TRIM13: variants seen among roughly 807,000 people sequenced by gnomAD.
TRIM13 encodes E3 ubiquitin-protein ligase TRIM13.
TRIM13 carries 15 observed loss-of-function variants against 27.1 expected under a neutral mutation model. That is an observed-to-expected ratio of 0.55 (90% CI 0.37 to 0.85). The LOEUF is 0.85. TRIM13 is among the 40% of genes least tolerant of loss of function. TRIM13 has a pLI of 0.00. For missense variants in TRIM13, 402 were observed against 472.2 expected, an observed-to-expected ratio of 0.85 and a Z score of 1.38; for synonymous variants, 193 against 171.5, an observed-to-expected ratio of 1.13 and a Z score of -0.98.
rs755806596 is a variant in TRIM13, at chr13:50,011,926, T to C, written c.-6-9T>C. On this transcript the variant is annotated splice_polypyrimidine_tract_variant and intron_variant, in intron 1 of 1. Transcript: ENST00000378182. ...ATTGGAGTAAAATAATTTTTTTTTT[T>C]TCTGGTAGGATGTGATGGAGCTGCT... 2 of 1,574,808 alleles carry C rather than the reference T, an allele frequency of 1.3e-6. No individual in the cohort carries two copies. The highest frequency in any genetic ancestry group is 1.9e-5 in the Admixed American group (1 of 51,538).
rs762859595 is a variant in TRIM13, at chr13:50,012,948, A to G, written c.1008A>G (p.Leu336=). The change falls in exon 2 of 2, where the codon CTA becomes CTG. Residue 336 remains leucine (L), a synonymous_variant. Coordinates refer to ENST00000378182, the MANE Select transcript of TRIM13 (RefSeq NM_213590.3). ...LVIVFGPTMF[L]EWSLFDDLAT... The stretch of plus-strand genomic sequence containing the variant: ...TTGTCTTTGGTCCTACCATGTTCCT[A>G]GAATGGTCATTATTTGATGACCTGG... The G allele has an allele frequency of 4.5e-5, 72 of 1,613,748 alleles. No homozygotes were observed. The highest frequency in any genetic ancestry group is 3.3e-4 in the Middle Eastern group (2 of 6,084).
At chr13:49,999,994 C>T (rs1002661052) in intron 1 of TRIM13, among the ~76,000 whole-genome samples, 1 of 152,022 alleles carries the variant, frequency 6.6e-6, no homozygotes, top group Non-Finnish European at 1.5e-5. Flanking sequence ...TTTTTTGACT[C>T]CTAAAATTAG....
At chr13:50,004,500 C>T (rs1032795253) in intron 1 of TRIM13, among the ~76,000 whole-genome samples, 4 of 151,978 alleles carry the variant, frequency 2.6e-5, no homozygotes, top group African/African-American at 9.7e-5. Context: ...CACTGGCTCA[C>T]GCCTGTAATC....
At chr13:50,002,512 T>C (rs1341398171) in intron 1 of TRIM13, among the ~76,000 whole-genome samples, 4 of 152,344 alleles carry the variant, frequency 2.6e-5, no homozygotes, top group Admixed American at 2.0e-4. Context: ...ATTGGCTCTT[T>C]AGTTTTTCCA....
In TRIM13 at chr13:49,997,108, C is replaced by G. The variant is rs887617610; in HGVS notation, c.-662C>G. The G allele has an allele frequency of 6.6e-6, 1 of 151,850 alleles. No individual in the cohort carries two copies. Among genetic ancestry groups the G allele is most frequent in the South Asian group, 2.1e-4 (1 of 4,800 alleles). The allele number at this position is 151,850 out of a possible 1,614,324, so 9.4% of individuals were successfully genotyped here. ...CCTGTAGTTGGAGGACGGGCGGTCG[C>G]GCGGCCTTTCCCACTAGCCGGAGGT... On this transcript the variant is annotated 5_prime_UTR_variant, in exon 1 of 2. Coordinates refer to ENST00000378182, the MANE Select transcript of TRIM13 (RefSeq NM_213590.3).
rs1393142221 is a variant in TRIM13 at position 50,015,822 on chromosome 13, T to A, written c.*2658T>A. ...CTGCTACAGCCAAGACCTGCTCTTG[T>A]GGAGGTACATTTCCTAAGCCGGAAC... On this transcript the variant is annotated 3_prime_UTR_variant, in exon 2 of 2. Coordinates refer to ENST00000378182, the MANE Select transcript of TRIM13 (RefSeq NM_213590.3). 6.2e-7 allele frequency: 1 copy of A among 1,614,152 alleles called. No individual in the cohort carries two copies. The highest frequency in any genetic ancestry group is 2.2e-5 in the East Asian group (1 of 44,886).
In TRIM13 at chr13:50,012,318, T is replaced by C. The variant is rs369228531; in HGVS notation, c.378T>C (p.His126=). The C allele has an allele frequency of 3.4e-5, 55 of 1,614,040 alleles. No homozygotes were observed. In the South Asian group the frequency reaches 4.6e-4, roughly 14 times the overall value. The change falls in exon 2 of 2, where the codon CAT becomes CAC. Residue 126 remains histidine (H), a synonymous_variant. Coordinates refer to ENST00000378182, the MANE Select transcript of TRIM13 (RefSeq NM_213590.3). Reference sequence around the variant, plus strand: ...CTACTCGTGGGGAGCACACCAAACATGTCTTCTGTTCTATTGAAGATGCCT... The same window carrying C: ...CTACTCGTGGGGAGCACACCAAACACGTCTTCTGTTCTATTGAAGATGCCT... ...ICATRGEHTK[H]VFCSIEDAYA...
Position 50,012,711 on chromosome 13 carries a change from G to A in TRIM13, c.771G>A (p.Glu257=). ...TGCAACAGATGCAGGAGTTTAGAGA[G>A]AAAATCAAAGTAATCAAGGAAACTC... The part of the protein sequence containing the change: ...VFLQQMQEFR[E]KIKVIKETPL... Residue 257 remains glutamate, a synonymous_variant, in exon 2 of 2, where the codon GAG becomes GAA. Coordinates refer to ENST00000378182, the MANE Select transcript of TRIM13 (RefSeq NM_213590.3). 6.2e-7 allele frequency: 1 copy of A among 1,614,070 alleles called. No individual in the cohort carries two copies. Among genetic ancestry groups the A allele is most frequent in the Non-Finnish European group, 8.5e-7 (1 of 1,180,010 alleles).
At chr13:50,000,368 T>C (rs1317776424) in intron 1 of TRIM13, among the ~76,000 whole-genome samples, 1 of 152,164 alleles carries the variant, frequency 6.6e-6, no homozygotes, top group Non-Finnish European at 1.5e-5. Context: ...CAGAAGTACA[T>C]TTAAAGGAAT....
chr13:50,012,244 C>G lies in TRIM13; in HGVS notation c.304C>G (p.Leu102Val). 1.2e-6 allele frequency: 2 copies of G among 1,614,154 alleles called. No homozygotes were observed. Among genetic ancestry groups the G allele is most frequent in the Non-Finnish European group, 1.7e-6 (2 of 1,180,016 alleles). Residue 102 changes from leucine (L) to valine (V), a missense_variant, in exon 2 of 2, where the codon CTC becomes GTC. Around this residue, in one of 2 missense-constraint regions of TRIM13, gnomAD observed 202 missense variants for 277.5 expected, o/e 0.73. Coordinates refer to ENST00000378182, the MANE Select transcript of TRIM13 (RefSeq NM_213590.3). ...ATGCAAAGGACACTTGGGGCAGCCT[C>G]TCAACATTTTCTGCCTGACTGATAT... Reference protein sequence around the residue: ...PVCKGHLGQPLNIFCLTDMQL... With the variant: ...PVCKGHLGQPVNIFCLTDMQL...
chr13:50,009,407 A>G (rs1468479486), intron 1 of TRIM13, among the ~76,000 whole-genome samples: 3 of 152,104 alleles, frequency 2.0e-5, no homozygotes, highest in African/African-American at 7.2e-5. Flanking sequence ...CTGGATTTCT[A>G]GACCTGCCTG....
chr13:50,012,877 A>C lies in TRIM13; in HGVS notation c.937A>C (p.Ser313Arg). 4 of 1,613,902 alleles carry C rather than the reference A, an allele frequency of 2.5e-6. No homozygotes were observed. Among genetic ancestry groups the C allele is most frequent in the Non-Finnish European group, 3.4e-6 (4 of 1,179,996 alleles). The change falls in exon 2 of 2, where the codon AGC becomes CGC. Residue 313 changes from serine to arginine, a missense_variant. Around this residue, in one of 2 missense-constraint regions of TRIM13, gnomAD observed 200 missense variants for 194.7 expected, o/e 1.03. Transcript: ENST00000378182. ...TGTFISKIPW[S>R]FYKLFLLILL... ...CACATTCATTAGCAAGATTCCCTGG[A>C]GCTTTTATAAGTTATTTTTGCTAAT...
chr13:50,000,575 G>A (rs893584926), intron 1 of TRIM13, among the ~76,000 whole-genome samples: 3 of 152,154 alleles, frequency 2.0e-5, no homozygotes, highest in African/African-American at 7.2e-5. Flanking sequence ...CATGATGGGG[G>A]AAAGGCATGT....
Position 50,017,612 on chromosome 13 carries a change from C to T in TRIM13, c.*4448C>T, listed in dbSNP as rs1876766722. The T allele has an allele frequency of 6.0e-6, 1 of 166,808 alleles. No individual in the cohort carries two copies. The highest frequency in any genetic ancestry group is 2.1e-4 in the South Asian group (1 of 4,826). 10.3% of individuals were successfully genotyped at this position (166,808 alleles called of 1,614,324 possible). ...AAATGGTATTCAATTGTTTGAAGCT[C>T]AAAATTTTTACCATTCCATAAATGT... On this transcript the variant is annotated 3_prime_UTR_variant, in exon 2 of 2. Transcript: ENST00000378182.
In TRIM13 at chr13:50,014,296, C is replaced by A. The variant is rs1876036240; in HGVS notation, c.*1132C>A. 1.1e-5 allele frequency: 1 copy of A among 90,466 alleles called. No homozygotes were observed. Among genetic ancestry groups the A allele is most frequent in the Non-Finnish European group, 2.1e-5 (1 of 47,132 alleles). 5.6% of individuals were successfully genotyped at this position (90,466 alleles called of 1,614,324 possible). A position where few individuals can be genotyped will look rare whatever the true frequency, so the allele number is the denominator to read the frequency against. On this transcript the variant is annotated 3_prime_UTR_variant, in exon 2 of 2. Coordinates refer to ENST00000378182, the MANE Select transcript of TRIM13 (RefSeq NM_213590.3). Reference sequence around the variant, plus strand: ...TTCGAAACCAGCTTCGTAAACATAGCAAGACCCAGTCTCTACCAAAAAAAA... The same window carrying A: ...TTCGAAACCAGCTTCGTAAACATAGAAAGACCCAGTCTCTACCAAAAAAAA...
At position 50,005,450 on chromosome 13, in the gene TRIM13, G is replaced by A. The variant is rs1033248099; in HGVS notation, c.-6-6485G>A. Among the ~76,000 whole-genome samples, 11 of 151,948 alleles carry A rather than the reference G, an allele frequency of 7.2e-5. No individual in the cohort carries two copies. In the East Asian group the frequency reaches 2.2e-3, roughly 30 times the overall value. On this transcript the variant is annotated intron_variant, in intron 1 of 1. Coordinates refer to ENST00000378182, the MANE Select transcript of TRIM13 (RefSeq NM_213590.3). ...GAACTTTGGGAGGCCGAGGCGGGTGGATCACCTGAGGTCAGGAGTTCGAGA... is the reference window on the plus strand; with the variant it reads ...GAACTTTGGGAGGCCGAGGCGGGTGAATCACCTGAGGTCAGGAGTTCGAGA...
chr13:50,017,391 T>C lies in TRIM13; in HGVS notation c.*4227T>C, dbSNP rs1213642957. The C allele has an allele frequency of 6.0e-6, 1 of 167,106 alleles. No individual in the cohort carries two copies. Among genetic ancestry groups the C allele is most frequent in the East Asian group, 1.9e-4 (1 of 5,204 alleles). The allele number at this position is 167,106 out of a possible 1,614,324, so 10.4% of individuals were successfully genotyped here. The stretch of plus-strand genomic sequence containing the variant: ...GCATTTGGAGAAAGTAATTGTTTCC[T>C]TGAAAAACATGATTAAAAACTAAAA... On this transcript the variant is annotated 3_prime_UTR_variant, in exon 2 of 2. Transcript: ENST00000378182.
chr13:49,997,387 T>C lies in TRIM13; in HGVS notation c.-383T>C, dbSNP rs1002810375. 5 of 152,266 alleles carry C rather than the reference T, an allele frequency of 3.3e-5. No individual in the cohort carries two copies. Among genetic ancestry groups the C allele is most frequent in the Non-Finnish European group, 5.9e-5 (4 of 68,170 alleles). The allele number at this position is 152,266 out of a possible 1,614,324, so 9.4% of individuals were successfully genotyped here. ...CAGAAAACCTGCTCCGTCCGGAGCCTTCCTGGCCCCGCTACCAGCGTCTCC... is the reference window on the plus strand; with the variant it reads ...CAGAAAACCTGCTCCGTCCGGAGCCCTCCTGGCCCCGCTACCAGCGTCTCC... On this transcript the variant is annotated 5_prime_UTR_variant, in exon 1 of 2. Coordinates refer to ENST00000378182, the MANE Select transcript of TRIM13 (RefSeq NM_213590.3).
At chr13:50,006,694 GT>G (rs1168695369) in intron 1 of TRIM13, among the ~76,000 whole-genome samples, 1 of 152,090 alleles carries the variant, frequency 6.6e-6, no homozygotes, top group Non-Finnish European at 1.5e-5. Flanking sequence ...ACTAAGTTGA[GT>G]CTTTATAGCC....
Sources: gnomAD v4.1 joint callset for allele counts (sites outside exome capture counted in the v4.1 genomes callset) on GRCh38, gnomAD v4.1.1 for gene constraint, gnomAD v4.1.1 regional missense constraint, MANE v1.5 for transcripts, NCBI Gene and HGNC (gene_info 2026-07-23, HGNC 2026-07-21) for gene names.